Variants in SUGP2 observed in about 807,000 individuals in gnomAD.
SUGP2 encodes SURP and G-patch domain-containing protein 2.
SUGP2 carries 24 observed loss-of-function variants against 90.5 expected under a neutral mutation model. The observed-to-expected ratio is 0.27, with a 90% CI of 0.19 to 0.37. SUGP2 has a LOEUF of 0.37. SUGP2 is among the 10% of genes least tolerant of loss of function. The pLI is 1.00. For missense variants in SUGP2, 1,233 were observed against 1,363.3 expected (o/e 0.90, Z 1.51); for synonymous variants, 473 against 513.4 (o/e 0.92, Z 1.06).
intron 4 of SUGP2, among the ~76,000 whole-genome samples, chr19:19,018,038 G>T (rs1254708132): frequency 6.6e-6 from 1 of 151,572 alleles, no homozygotes; most frequent in African/African-American, 2.4e-5. Flanking sequence ...GAGGTCAGGA[G>T]TTCGAGACCA....
chr19:19,020,415 G>C (rs1282790520), intron 3 of SUGP2, among the ~76,000 whole-genome samples: 1 of 142,060 alleles, frequency 7.0e-6, no homozygotes, highest in Non-Finnish European at 1.5e-5. Context: ...CTGAGCGTCA[G>C]AGTGAGACCC....
At position 19,021,112 on chromosome 19, in the gene SUGP2, T is replaced by A. The variant is rs1368295342; in HGVS notation, c.1730-1883A>T. Among the ~76,000 whole-genome samples the A allele has an allele frequency of 4.0e-5, 5 of 123,502 alleles. No homozygotes were observed. The East Asian group carries it at 1.2e-3, about 31-fold the overall frequency. 81.0% of individuals were successfully genotyped at this position (123,502 alleles called of 152,430 possible). A position where few individuals can be genotyped will look rare whatever the true frequency, so the allele number is the denominator to read the frequency against. On this transcript the variant is annotated intron_variant, in intron 3 of 10. Transcript: ENST00000452918. ...AGGCTGAGATAGCGGTGAGCCGAGA[T>A]CATGCCATTGCACTCCAGCCTGGGC...
At chr19:18,995,355 C>T (rs988273764) in intron 8 of SUGP2, 75 bp from the exon 9 acceptor site, 56 of 1,458,372 alleles carry the variant, frequency 3.8e-5, no homozygotes, top group Admixed American at 5.1e-5. Context: ...TAGGCTATGC[C>T]TGGAGCCCCT....
At chr19:19,020,085 G>A (rs1202011947) in intron 3 of SUGP2, among the ~76,000 whole-genome samples, 1 of 149,812 alleles carries the variant, frequency 6.7e-6, no homozygotes, top group Non-Finnish European at 1.5e-5. Context: ...AAATAAAAAG[G>A]TCAGTGATCC....
chr19:18,994,864 TA>T (rs1274103415), intron 9 of SUGP2: 1 of 563,972 alleles, frequency 1.8e-6, no homozygotes, highest in East Asian at 3.1e-5. Flanking sequence ...AGACGGAAAC[TA>T]CACAGAAATA....
At chr19:19,002,559 G>A (rs564988435) in intron 7 of SUGP2, among the ~76,000 whole-genome samples, 3 of 131,016 alleles carry the variant, frequency 2.3e-5, no homozygotes, top group South Asian at 5.1e-4. Context: ...TGTTGCCCAG[G>A]CTGGAGTGCA....
rs556146803 is a variant in SUGP2 at position 19,025,645 on chromosome 19, G to A, written c.703C>T (p.Leu235Phe). The A allele has an allele frequency of 5.3e-5, 86 of 1,614,036 alleles. No individual in the cohort carries two copies. In the Admixed American group the frequency reaches 1.4e-3, roughly 27 times the overall value. The change falls in exon 3 of 11, where the codon CTC (leucine) becomes TTC (phenylalanine). Residue 235 changes from leucine (L) to phenylalanine (F), a missense_variant. Transcript: ENST00000452918. ...LLGKGETQGL[L>F]TAKGGVGKLV... Reference sequence around the variant, plus strand: ...TTCCCAACACCCCCCTTAGCTGTGAGCAGGCCCTGAGTCTCCCCCTTTCCT... The same window carrying A: ...TTCCCAACACCCCCCTTAGCTGTGAACAGGCCCTGAGTCTCCCCCTTTCCT...
chr19:19,026,832 C>T (rs2058953809), intron 2 of SUGP2, among the ~76,000 whole-genome samples: 1 of 152,060 alleles, frequency 6.6e-6, no homozygotes, highest in Non-Finnish European at 1.5e-5. Flanking sequence ...ACCCATCCCT[C>T]GGAAAGGTCG....
chr19:19,025,764 T>C lies in SUGP2; in HGVS notation c.584A>G (p.His195Arg), dbSNP rs145891993. ...AAGCACAGAGTCAGCCTCCCCAGGA[T>C]GGTCCACGTCATAATCCCGACTCTC... The part of the protein sequence containing the change: ...EKESRDYDVD[H>R]PGEADSVLRG... Residue 195 changes from histidine to arginine, a missense_variant, in exon 3 of 11, where the codon CAT (histidine) becomes CGT (arginine). Around this residue, in one of 8 missense-constraint regions of SUGP2, gnomAD observed 418 missense variants for 399.9 expected, o/e 1.05. Coordinates refer to ENST00000452918, the MANE Select transcript of SUGP2 (RefSeq NM_001017392.5). The C allele has an allele frequency of 1.8e-4, 287 of 1,613,982 alleles. 1 individual carries two copies. In the African/African-American group the frequency reaches 3.5e-3, roughly 19 times the overall value.
intron 2 of SUGP2, among the ~76,000 whole-genome samples, chr19:19,028,536 C>T (rs115741433): frequency 0.013 from 2,056 of 152,296 alleles, 39 homozygotes; most frequent in African/African-American, 0.044. Flanking sequence ...CTGGATTCTA[C>T]TCAAGAGAAT....
At chr19:19,032,211 T>G (rs1055549143) in intron 1 of SUGP2, among the ~76,000 whole-genome samples, 1 of 150,880 alleles carries the variant, frequency 6.6e-6, no homozygotes, top group Non-Finnish European at 1.5e-5. Context: ...CAGGCTGGAG[T>G]GCAGTGGCAT....
At position 19,025,753 on chromosome 19, in the gene SUGP2, C is replaced by T. The variant is rs1020346207; in HGVS notation, c.595G>A (p.Ala199Thr). The T allele has an allele frequency of 5.6e-6, 9 of 1,613,962 alleles. No individual in the cohort carries two copies. The highest frequency in any genetic ancestry group is 6.8e-6 in the Non-Finnish European group (8 of 1,179,986). Residue 199 changes from alanine (A) to threonine (T), a missense_variant, in exon 3 of 11, where the codon GCT becomes ACT. Ala to Thr is a moderately conservative substitution (Grantham distance 58). Around this residue, in one of 8 missense-constraint regions of SUGP2, gnomAD observed 418 missense variants for 399.9 expected, o/e 1.05. Transcript: ENST00000452918. Reference sequence around the variant, plus strand: ...CTGCCGCCCCTAAGCACAGAGTCAGCCTCCCCAGGATGGTCCACGTCATAA... The same window carrying T: ...CTGCCGCCCCTAAGCACAGAGTCAGTCTCCCCAGGATGGTCCACGTCATAA... ...RDYDVDHPGE[A>T]DSVLRGGSQV... is the part of the protein sequence containing the mutation.
chr19:19,030,775 G>C (rs1247370286), intron 2 of SUGP2, among the ~76,000 whole-genome samples, 176 bp downstream of exon 2: 1 of 152,060 alleles, frequency 6.6e-6, no homozygotes, highest in Non-Finnish European at 1.5e-5. Flanking sequence ...GAGAGAGTAA[G>C]ACCCTATCAC....
At chr19:19,020,231 C>T (rs1378977383) in intron 3 of SUGP2, among the ~76,000 whole-genome samples, 2 of 151,682 alleles carry the variant, frequency 1.3e-5, no homozygotes, top group South Asian at 2.1e-4. Flanking sequence ...AGATCGAGAC[C>T]AGCCTGGCTA....
chr19:19,018,117 C>G (rs752342953), intron 4 of SUGP2, among the ~76,000 whole-genome samples: 2 of 151,956 alleles, frequency 1.3e-5, no homozygotes, highest in Non-Finnish European at 2.9e-5. Context: ...CACCCTCACA[C>G]CCCACAAGCA....
chr19:18,995,165 C>T lies in SUGP2; in HGVS notation c.3107G>A (p.Gly1036Asp), dbSNP rs2057525332. 6.2e-7 allele frequency: 1 copy of T among 1,607,922 alleles called. No individual in the cohort carries two copies. Reference sequence around the variant, plus strand: ...GTACACGCTGACCGGCTCCCTGATGCCCTTTCCGAGGGAGCCCAGGCCATG... The same window carrying T: ...GTACACGCTGACCGGCTCCCTGATGTCCTTTCCGAGGGAGCCCAGGCCATG... ...EGHGLGSLGK[G>D]IREPVSVGTP... Residue 1036 changes from glycine (G) to aspartate (D), a missense_variant, in exon 9 of 11, where the codon GGC (glycine) becomes GAC (aspartate). Physicochemically the swap from Gly to Asp is moderately conservative, Grantham distance 94. Transcript: ENST00000452918.
Position 19,025,598 on chromosome 19 carries a change from C to A in SUGP2, c.750G>T (p.Val250=). Residue 250 remains valine, a synonymous_variant, in exon 3 of 11, where the codon GTG becomes GTT. Transcript: ENST00000452918. The stretch of plus-strand genomic sequence containing the variant: ...TCACGGTGGGTATTTTTTTTGTGCT[C>A]ACATTTCTCAATGTGACAAGTTTCC... The part of the protein sequence containing the change: ...GVGKLVTLRN[V]STKKIPTVNR... The A allele has an allele frequency of 1.9e-6, 3 of 1,613,804 alleles. No homozygotes were observed. The highest frequency in any genetic ancestry group is 1.7e-6 in the Non-Finnish European group (2 of 1,179,946).
chr19:18,998,862 C>CT (rs1242074968), intron 8 of SUGP2: 3 of 152,342 alleles, frequency 2.0e-5, no homozygotes, highest in African/African-American at 7.2e-5. Flanking sequence ...ACAGGACCTG[C>CT]TACACTGGGG....
intron 1 of SUGP2, 138 bp from the exon 2 acceptor site, chr19:19,031,220 C>T (rs1417946202): frequency 8.2e-6 from 7 of 848,650 alleles, no homozygotes; most frequent in Admixed American, 2.6e-5. Context: ...CCAGCCTAGG[C>T]AACATGATGA....
Sources: gnomAD v4.1 joint callset for allele counts (sites outside exome capture counted in the v4.1 genomes callset) on GRCh38, gnomAD v4.1.1 for gene constraint, gnomAD v4.1.1 regional missense constraint, MANE v1.5 for transcripts, NCBI Gene and HGNC (gene_info 2026-07-23, HGNC 2026-07-21) for gene names.